Variants in CDH12 observed in about 807,000 individuals in gnomAD.
The protein encoded by CDH12 is cadherin 12.
A neutral mutation model predicts 74.1 loss-of-function variants in CDH12; 41 were observed. The observed-to-expected ratio is 0.55, with a 90% CI of 0.43 to 0.72. CDH12 has a LOEUF of 0.72. Ranked by LOEUF, CDH12 falls within the 30% of genes least tolerant of loss-of-function variation. The pLI, the probability that CDH12 is intolerant of heterozygous loss-of-function variation, is 0.00. For missense variants in CDH12, 945 were observed against 977.2 expected, an observed-to-expected ratio of 0.97 and a Z score of 0.44; for synonymous variants, 399 against 355.0, an observed-to-expected ratio of 1.12 and a Z score of -1.39.
chr5:22,145,352 C>T (rs573620613), intron 4 of CDH12, among the ~76,000 whole-genome samples: 11 of 152,088 alleles, frequency 7.2e-5, no homozygotes, highest in Middle Eastern at 6.8e-3. Flanking sequence ...TTTTATGAGG[C>T]CTTTGTTCTT....
Position 21,798,249 on chromosome 5 carries a change from A to ATGTGTG in CDH12, c.1256+3912_1256+3917dup, listed in dbSNP as rs55704091. 6.7e-3 allele frequency among the ~76,000 whole-genome samples: 1,002 copies of ATGTGTG among 148,886 alleles called. 9 individuals carry two copies. Among genetic ancestry groups the ATGTGTG allele is most frequent in the African/African-American group, 0.024 (951 of 40,394 alleles). The stretch of plus-strand genomic sequence containing the variant: ...AACAAATATTTGAATGTATATGTGG[A>ATGTGTG]TGTGTGTGTGTGTGTGTGTGTGTGT... On this transcript the variant is annotated intron_variant, in intron 10 of 14. Coordinates refer to ENST00000382254, the MANE Select transcript of CDH12 (RefSeq NM_004061.5).
intron 5 of CDH12, among the ~76,000 whole-genome samples, chr5:22,018,733 T>C (rs1453659633): frequency 6.6e-6 from 1 of 152,208 alleles, no homozygotes; most frequent in Non-Finnish European, 1.5e-5. Context: ...TACCAAAATG[T>C]GATGTACTAA....
At chr5:22,437,001 C>A (rs888081444) in intron 2 of CDH12, among the ~76,000 whole-genome samples, 1 of 151,946 alleles carries the variant, frequency 6.6e-6, no homozygotes, top group Non-Finnish European at 1.5e-5. Flanking sequence ...TTAATTTAAT[C>A]TATAAATTAA....
At position 22,689,666 on chromosome 5, in the gene CDH12, C is replaced by G. The variant is rs142695793; in HGVS notation, c.-523+163392G>C. 4.5e-4 allele frequency among the ~76,000 whole-genome samples: 69 copies of G among 152,048 alleles called. 1 individual carries two copies. In the East Asian group the frequency reaches 0.013, roughly 28 times the overall value. ...ATTGATTGGGATAATAGATGAAGAT[C>G]AAGCTAGACAGGTTTGTGTCAAAAA... On this transcript the variant is annotated intron_variant, in intron 1 of 14. Transcript: ENST00000382254.
rs114860289 is a variant in CDH12, at chr5:22,373,998, G to A, written c.-333+31259C>T. 3.7e-3 allele frequency among the ~76,000 whole-genome samples: 561 copies of A among 152,014 alleles called. 4 individuals are homozygous for A. Among genetic ancestry groups the A allele is most frequent in the African/African-American group, 0.013 (521 of 41,442 alleles). ...AATTCAAAATAGTAAGCCAAATAAG[G>A]ATACAGCAACAAAGAAAACTACCGG... On this transcript the variant is annotated intron_variant, in intron 3 of 14. Transcript: ENST00000382254.
intron 5 of CDH12, among the ~76,000 whole-genome samples, chr5:21,999,431 T>C (rs1736482339): frequency 5.3e-5 from 8 of 152,180 alleles, no homozygotes. Flanking sequence ...CATTGAACTG[T>C]CCCTTCAGGT....
chr5:22,025,618 T>A lies in CDH12; in HGVS notation c.232-50233A>T, dbSNP rs183203802. On this transcript the variant is annotated intron_variant, in intron 5 of 14. Coordinates refer to ENST00000382254, the MANE Select transcript of CDH12 (RefSeq NM_004061.5). ...AAATTAAGATAATGATGAAGTTTGC[T>A]GCATTTATTCACTCTTCCTTTCACA... Among the ~76,000 whole-genome samples the A allele has an allele frequency of 2.5e-3, 383 of 152,294 alleles. 3 individuals carry two copies. The highest frequency in any genetic ancestry group is 0.017 in the Middle Eastern group (5 of 294).
rs1256568656 is a variant in CDH12, at chr5:21,951,220, A to G, written c.526+23871T>C. Among the ~76,000 whole-genome samples the G allele has an allele frequency of 2.0e-5, 3 of 152,184 alleles. No individual in the cohort carries two copies. The East Asian group carries it at 5.8e-4, about 29-fold the overall frequency. On this transcript the variant is annotated intron_variant, in intron 6 of 14. Coordinates refer to ENST00000382254, the MANE Select transcript of CDH12 (RefSeq NM_004061.5). Reference sequence around the variant, plus strand: ...TATCATTAGACCTAGAAATAGCCACAATCATTTCTTAAAAAGATTATTAAT... The same window carrying G: ...TATCATTAGACCTAGAAATAGCCACGATCATTTCTTAAAAAGATTATTAAT...
At chr5:22,771,547 TG>T (rs1300653370) in intron 1 of CDH12, among the ~76,000 whole-genome samples, 2 of 151,970 alleles carry the variant, frequency 1.3e-5, no homozygotes, top group African/African-American at 4.8e-5. Context: ...CTCCTATAAC[TG>T]AAAAAAATAT....
intron 1 of CDH12, among the ~76,000 whole-genome samples, chr5:22,665,450 G>T (rs538410464): frequency 6.6e-6 from 1 of 152,286 alleles, no homozygotes; most frequent in Non-Finnish European, 1.5e-5. Context: ...GGAAAACAAA[G>T]TAATAATATT....
At chr5:21,844,301 A>G (rs1344508813) in intron 7 of CDH12, among the ~76,000 whole-genome samples, 1 of 152,018 alleles carries the variant, frequency 6.6e-6, no homozygotes, top group Non-Finnish European at 1.5e-5. Flanking sequence ...ATGTTTAAAG[A>G]TTCTCATGTT....
intron 4 of CDH12, among the ~76,000 whole-genome samples, chr5:22,105,312 C>G (rs1051018665): frequency 6.6e-6 from 1 of 151,200 alleles, no homozygotes; most frequent in Non-Finnish European, 1.5e-5. Flanking sequence ...CCAGGATGGT[C>G]TTGATCTCCT....
chr5:22,151,932 A>T (rs1369151744), intron 4 of CDH12: 1 of 151,918 alleles, frequency 6.6e-6, no homozygotes, highest in Non-Finnish European at 1.5e-5. Context: ...TAAAGAGACC[A>T]CCTTCACTTG....
chr5:22,175,955 C>A (rs934240478), intron 4 of CDH12, among the ~76,000 whole-genome samples: 1 of 152,196 alleles, frequency 6.6e-6, no homozygotes, highest in Non-Finnish European at 1.5e-5. Context: ...TTCCTTTCTC[C>A]ACTCCTAAAA....
chr5:22,032,906 A>G (rs1398895070), intron 5 of CDH12, among the ~76,000 whole-genome samples: 1 of 151,398 alleles, frequency 6.6e-6, no homozygotes, highest in East Asian at 1.9e-4. Context: ...GACAGAAGAG[A>G]TACCTAGCCT....
intron 3 of CDH12, among the ~76,000 whole-genome samples, chr5:22,228,474 C>T (rs928986723): frequency 6.6e-6 from 1 of 152,042 alleles, no homozygotes; most frequent in Non-Finnish European, 1.5e-5. Flanking sequence ...TAATGAAAAA[C>T]TTCAGATTAC....
At chr5:22,209,282 A>T (rs1252730774) in intron 4 of CDH12, among the ~76,000 whole-genome samples, 1 of 152,222 alleles carries the variant, frequency 6.6e-6, no homozygotes, top group Non-Finnish European at 1.5e-5. Flanking sequence ...ATGATTAGCT[A>T]CACTAAACCT....
At chr5:22,310,760 A>G in intron 3 of CDH12, among the ~76,000 whole-genome samples, 1 of 152,118 alleles carries the variant, frequency 6.6e-6, no homozygotes, top group Admixed American at 6.5e-5. Flanking sequence ...CACAAGGTTT[A>G]ATCTTAGTCA....
At chr5:22,792,839 A>G (rs1747986134) in intron 1 of CDH12, among the ~76,000 whole-genome samples, 1 of 152,196 alleles carries the variant, frequency 6.6e-6, no homozygotes, top group South Asian at 2.1e-4. Context: ...GGTGTCATTC[A>G]TAGATATTTC....
Sources: gnomAD v4.1 joint callset for allele counts (sites outside exome capture counted in the v4.1 genomes callset) on GRCh38, gnomAD v4.1.1 for gene constraint, MANE v1.5 for transcripts, NCBI Gene and HGNC (gene_info 2026-07-23, HGNC 2026-07-21) for gene names.